SH3GL1: variants seen among roughly 807,000 people sequenced by gnomAD.
SH3GL1 encodes the protein endophilin-A2.
A neutral mutation model predicts 48.8 loss-of-function variants in SH3GL1; 21 were observed. The ratio of observed to expected loss-of-function variants is 0.43; its 90% CI spans 0.30 to 0.62. The LOEUF is 0.62. Ranked by LOEUF, SH3GL1 falls within the 20% of genes least tolerant of loss-of-function variation. SH3GL1 has a pLI of 0.11. For missense variants in SH3GL1, 454 were observed against 503.0 expected (o/e 0.90, Z 0.93); for synonymous variants, 282 against 217.5 (o/e 1.30, Z -2.61).
At chr19:4,363,220 G>A (rs903479473) in intron 7 of SH3GL1, 150 bp downstream of exon 7, 10 of 665,824 alleles carry the variant, frequency 1.5e-5, no homozygotes, top group Non-Finnish European at 2.1e-5. Flanking sequence ...TGACCTCGCG[G>A]CCCCCCAGGC....
At chr19:4,374,138 T>C (rs929156334) in intron 1 of SH3GL1, among the ~76,000 whole-genome samples, 10 of 151,946 alleles carry the variant, frequency 6.6e-5, no homozygotes, top group Non-Finnish European at 1.3e-4. Flanking sequence ...GCAAGAGAAA[T>C]CCTCCAGATG....
At chr19:4,396,180 C>T (rs531934260) in intron 1 of SH3GL1, among the ~76,000 whole-genome samples, 151 of 151,902 alleles carry the variant, frequency 9.9e-4, no homozygotes, top group Middle Eastern at 3.4e-3. Context: ...GTAGATCACC[C>T]GAGGTCAAGA....
intron 4 of SH3GL1, 109 bp downstream of exon 4, chr19:4,365,373 C>T (rs1478489163): frequency 2.1e-6 from 3 of 1,435,490 alleles, no homozygotes; most frequent in Middle Eastern, 2.4e-4. Context: ...CTGTGGGGGC[C>T]ACTGTACGTC....
At chr19:4,363,101 C>G (rs1219822435) in intron 7 of SH3GL1, among the ~76,000 whole-genome samples, 1 of 152,188 alleles carries the variant, frequency 6.6e-6, no homozygotes, top group African/African-American at 2.4e-5. Context: ...GGAGGGGAGC[C>G]TGGGTGTTCC....
chr19:4,364,148 G>C lies in SH3GL1; in HGVS notation c.405C>G (p.Val135=). The part of the protein sequence containing the change: ...AEVKDSLDIE[V]KQNFIDPLQN... Reference sequence around the variant, plus strand: ...GGAGGGGGTCAATGAAGTTCTGCTTGACCTCGATGTCCAGGGAGTCCTTCA... The same window carrying C: ...GGAGGGGGTCAATGAAGTTCTGCTTCACCTCGATGTCCAGGGAGTCCTTCA... Residue 135 remains valine, a synonymous_variant, in exon 5 of 10, where the codon GTC becomes GTG. Coordinates refer to ENST00000269886, the MANE Select transcript of SH3GL1 (RefSeq NM_003025.4). 1 of 1,613,926 alleles carries C rather than the reference G, an allele frequency of 6.2e-7. No individual in the cohort carries two copies. Among genetic ancestry groups the C allele is most frequent in the Non-Finnish European group, 8.5e-7 (1 of 1,180,004 alleles).
intron 1 of SH3GL1, among the ~76,000 whole-genome samples, chr19:4,383,853 G>A (rs1002022037): frequency 6.6e-6 from 1 of 152,114 alleles, no homozygotes; most frequent in African/African-American, 2.4e-5. Flanking sequence ...AGAGCCGGGA[G>A]AAGGCAGAGT....
chr19:4,362,847 C>A (rs987854668), intron 7 of SH3GL1, 111 bp from the exon 8 acceptor site: 4 of 1,550,716 alleles, frequency 2.6e-6, no homozygotes, highest in Non-Finnish European at 3.5e-6. Flanking sequence ...AGGAAGAGGC[C>A]GTCAGTGGGG....
At chr19:4,399,201 T>C in intron 1 of SH3GL1, among the ~76,000 whole-genome samples, 1 of 150,616 alleles carries the variant, frequency 6.6e-6, no homozygotes, top group Non-Finnish European at 1.5e-5. Context: ...ATGCCTGTAG[T>C]CCCAGCTACT....
intron 1 of SH3GL1, among the ~76,000 whole-genome samples, chr19:4,372,936 T>G (rs745647029): frequency 1.3e-5 from 2 of 152,218 alleles, no homozygotes; most frequent in Non-Finnish European, 2.9e-5. Flanking sequence ...AGCTCGCCTA[T>G]CTACAGGGGC....
chr19:4,396,331 G>A (rs1363998663), intron 1 of SH3GL1, among the ~76,000 whole-genome samples: 1 of 152,082 alleles, frequency 6.6e-6, no homozygotes, highest in Non-Finnish European at 1.5e-5. Context: ...CAGAGGAGGC[G>A]GAGGTTGCAG....
At chr19:4,398,626 G>A (rs1039401649) in intron 1 of SH3GL1, among the ~76,000 whole-genome samples, 9 of 151,764 alleles carry the variant, frequency 5.9e-5, no homozygotes, top group Admixed American at 2.0e-4. Flanking sequence ...GCCCGCCTCG[G>A]CCTCCCAAAC....
rs558295497 is a variant in SH3GL1 at position 4,373,143 on chromosome 19, G to T, written c.46-6149C>A. ...GGAGCAGTGGGAGGGGGGGCCACAG[G>T]AGCACCACAGGTGCCAAGTGACCCT... is the stretch of plus-strand genomic sequence containing the variant. On this transcript the variant is annotated intron_variant, in intron 1 of 9. Coordinates refer to ENST00000269886, the MANE Select transcript of SH3GL1 (RefSeq NM_003025.4). 8.2e-4 allele frequency among the ~76,000 whole-genome samples: 125 copies of T among 152,222 alleles called. 2 individuals carry two copies. The Middle Eastern group carries it at 0.024, about 29-fold the overall frequency.
At chr19:4,369,873 G>T (rs1049032334) in intron 1 of SH3GL1, among the ~76,000 whole-genome samples, 4 of 152,222 alleles carry the variant, frequency 2.6e-5, no homozygotes, top group Admixed American at 2.0e-4. Context: ...TCTCTCCAAG[G>T]CTTATGGGCT....
intron 1 of SH3GL1, among the ~76,000 whole-genome samples, chr19:4,386,861 T>G (rs535209539): frequency 4.1e-4 from 62 of 152,350 alleles, no homozygotes; most frequent in Non-Finnish European, 5.1e-4. Context: ...TCCCACAGCG[T>G]GGCAGCTAAC....
Position 4,400,213 on chromosome 19 carries a change from A to T in SH3GL1, c.45+111T>A. On this transcript the variant is annotated intron_variant, in intron 1 of 9. Coordinates refer to ENST00000269886, the MANE Select transcript of SH3GL1 (RefSeq NM_003025.4). This position sits in a 1 kb window ranked among gnomAD's most constrained non-coding sequence, Gnocchi z 4.1. The stretch of plus-strand genomic sequence containing the variant: ...TCCCACCTGGCAGGGGACACGCGCC[A>T]ACGTCCCCACCTCGGTCCCCCCGGC... The T allele has an allele frequency of 8.3e-7, 1 of 1,203,038 alleles. No individual in the cohort carries two copies. Among genetic ancestry groups the T allele is most frequent in the Non-Finnish European group, 1.1e-6 (1 of 873,670 alleles). The allele number at this position is 1,203,038 out of a possible 1,614,324, so 74.5% of individuals were successfully genotyped here.
At chr19:4,362,890 C>T (rs775321463) in intron 7 of SH3GL1, among the ~76,000 whole-genome samples, 154 bp from the exon 8 acceptor site, 6 of 152,178 alleles carry the variant, frequency 3.9e-5, no homozygotes, top group Non-Finnish European at 8.8e-5. Context: ...CACAGCTAGA[C>T]TGGGATGTCT....
chr19:4,388,329 G>A (rs1973273298), intron 1 of SH3GL1, among the ~76,000 whole-genome samples: 1 of 152,218 alleles, frequency 6.6e-6, no homozygotes, highest in African/African-American at 2.4e-5. Context: ...CATCACCGCT[G>A]GCCAGCTGCC....
intron 1 of SH3GL1, among the ~76,000 whole-genome samples, chr19:4,387,713 GTTGTT>G (rs1973261942): frequency 6.6e-6 from 1 of 152,056 alleles, no homozygotes; most frequent in Non-Finnish European, 1.5e-5. Flanking sequence ...GGTTTTTTGT[GTTGTT>G]TTGTTTTTGA....
At position 4,361,062 on chromosome 19, in the gene SH3GL1, G is replaced by A; in HGVS notation, c.*538C>T. The A allele has an allele frequency of 4.2e-6, 1 of 235,768 alleles. No individual in the cohort carries two copies. The highest frequency in any genetic ancestry group is 8.3e-6 in the Non-Finnish European group (1 of 119,860). The allele number at this position is 235,768 out of a possible 1,614,324, so 14.6% of individuals were successfully genotyped here. A position where few individuals can be genotyped will look rare whatever the true frequency, so the allele number is the denominator to read the frequency against. Reference sequence around the variant, plus strand: ...CCTTGAGGAGAAGGAGTGCGTGTGTGAGGCGGGGGTGCATTGGCCCTGGAG... The same window carrying A: ...CCTTGAGGAGAAGGAGTGCGTGTGTAAGGCGGGGGTGCATTGGCCCTGGAG... On this transcript the variant is annotated 3_prime_UTR_variant, in exon 10 of 10. Transcript: ENST00000269886.
Sources: gnomAD v4.1 joint callset for allele counts (sites outside exome capture counted in the v4.1 genomes callset) on GRCh38, gnomAD v4.1.1 for gene constraint, Gnocchi (gnomAD v3.1) non-coding constraint, MANE v1.5 for transcripts, NCBI Gene and HGNC (gene_info 2026-07-23, HGNC 2026-07-21) for gene names.